PIGQ: variants seen among roughly 807,000 people sequenced by gnomAD.
PIGQ encodes the protein phosphatidylinositol N-acetylglucosaminyltransferase subunit Q.
PIGQ carries 54 observed loss-of-function variants against 60.3 expected under a neutral mutation model. The observed-to-expected ratio is 0.90, with a 90% CI of 0.72 to 1.12. The LOEUF (loss-of-function observed/expected upper bound fraction) is 1.12. Ranked by LOEUF, PIGQ falls within the 50% of genes most tolerant of loss-of-function variation. PIGQ has a pLI of 0.00. For synonymous variants in PIGQ, 416 were observed against 363.7 expected (o/e 1.14, Z -1.64); for missense variants, 799 against 793.5 (o/e 1.01, Z -0.08).
chr16:573,453 G>A (rs1356312058), intron 1 of PIGQ, among the ~76,000 whole-genome samples: 1 of 152,324 alleles, frequency 6.6e-6, no homozygotes, highest in African/African-American at 2.4e-5. Flanking sequence ...AACGAGGCAG[G>A]TCCTTCCTGC....
At chr16:578,129 C>T (rs891600129) in intron 4 of PIGQ, 4 of 447,262 alleles carry the variant, frequency 8.9e-6, no homozygotes, top group African/African-American at 2.0e-5. Flanking sequence ...GGCAGGGGGC[C>T]ACGCGGATGC....
chr16:576,439 C>G, intron 4 of PIGQ, 185 bp downstream of exon 4: 1 of 683,758 alleles, frequency 1.5e-6, no homozygotes, highest in African/African-American at 1.8e-5. Flanking sequence ...CTGGGCAGGG[C>G]AGGCCTCGCA....
rs755575339 is a variant in PIGQ, at chr16:578,335, A to AG, written c.943-43dup. 1.9e-6 allele frequency: 3 copies of AG among 1,582,312 alleles called. No individual in the cohort carries two copies. In the East Asian group the frequency reaches 6.8e-5, roughly 36 times the overall value. ...AGAGCCTGGGGAGATGCAGGTGCTG[A>AG]GCCTGGCTGCCCCCGCCCCAGCGTG... is the stretch of plus-strand genomic sequence containing the variant. On this transcript the variant is annotated intron_variant, in intron 4 of 10. Coordinates refer to ENST00000321878, the MANE Select transcript of PIGQ (RefSeq NM_004204.5).
intron 9 of PIGQ, 152 bp downstream of exon 9, chr16:581,124 C>T: frequency 1.4e-6 from 2 of 1,445,794 alleles, no homozygotes; most frequent in Non-Finnish European, 1.9e-6. Context: ...ACAGGGCCTC[C>T]TAGTCCCAGA....
At chr16:582,088 C>T (rs947022319) in intron 9 of PIGQ, 160 bp from the exon 10 acceptor site, 1 of 693,780 alleles carries the variant, frequency 1.4e-6, no homozygotes, top group Non-Finnish European at 2.6e-6. Context: ...TGGCAGCCAG[C>T]TCCAGGAGTT....
intron 9 of PIGQ, chr16:581,989 CCT>C: frequency 1.8e-6 from 1 of 543,534 alleles, no homozygotes; most frequent in Non-Finnish European, 3.4e-6. Flanking sequence ...GTCTTGAACT[CCT>C]GACCTCATGA....
rs980612123 is a variant in PIGQ at position 583,104 on chromosome 16, C to T, written c.*69C>T. 1.1e-5 allele frequency: 18 copies of T among 1,612,980 alleles called. No individual in the cohort carries two copies. The African/African-American group carries it at 1.5e-4, about 13-fold the overall frequency. ...GCCATCTGCTCTGCCAGGGTGGCAC[C>T]AGCTCAGCTGGCGCATGTCCTGTGC... On this transcript the variant is annotated 3_prime_UTR_variant, in exon 11 of 11. Transcript: ENST00000321878.
chr16:569,990 G>T lies in PIGQ; in HGVS notation c.-116G>T, dbSNP rs1201884934. The T allele has an allele frequency of 6.7e-6, 1 of 149,196 alleles. No individual in the cohort carries two copies. The highest frequency in any genetic ancestry group is 2.4e-5 in the African/African-American group (1 of 41,134). The allele number at this position is 149,196 out of a possible 1,614,324, so 9.2% of individuals were successfully genotyped here. The stretch of plus-strand genomic sequence containing the variant: ...GGCGGAAGTGGGGCTCGGGTCCCGC[G>T]GCGGGGCTGGAGGCAGCGAGCGCCG... On this transcript the variant is annotated 5_prime_UTR_variant, in exon 1 of 11. Transcript: ENST00000321878.
chr16:583,660 T>G lies in PIGQ; in HGVS notation c.*625T>G. ...AGAAACCATCAGCAGGCTGTGAGCA[T>G]CGCCAGGCTGCTGTGGGGGCGGGAG... On this transcript the variant is annotated 3_prime_UTR_variant, in exon 11 of 11. Coordinates refer to ENST00000321878, the MANE Select transcript of PIGQ (RefSeq NM_004204.5). 1.2e-6 allele frequency: 2 copies of G among 1,611,128 alleles called. No homozygotes were observed. The highest frequency in any genetic ancestry group is 1.7e-6 in the Non-Finnish European group (2 of 1,179,272).
chr16:582,414 G>GAGGTAC lies in PIGQ; in HGVS notation c.1593+109_1593+114dup, dbSNP rs1311214185. On this transcript the variant is annotated intron_variant, in intron 10 of 10. Transcript: ENST00000321878. ...GGGTGGCACCACGCCAGCCTGCGATGAGGTACAGGGAGGGCCCAGTGGAGC... is the reference window on the plus strand; with the variant it reads ...GGGTGGCACCACGCCAGCCTGCGATGAGGTACAGGTACAGGGAGGGCCCAGTGGAGC... 4 of 788,542 alleles carry GAGGTAC rather than the reference G, an allele frequency of 5.1e-6. No homozygotes were observed. In the African/African-American group the frequency reaches 6.9e-5, roughly 14 times the overall value. The allele number at this position is 788,542 out of a possible 1,614,324, so 48.8% of individuals were successfully genotyped here. A position where few individuals can be genotyped will look rare whatever the true frequency, so the allele number is the denominator to read the frequency against.
At position 583,126 on chromosome 16, in the gene PIGQ, G is replaced by GCTTTGTGGACGCTGCTGTGTGCTCC; in HGVS notation, c.*91_*92insCTTTGTGGACGCTGCTGTGTGCTCC. The GCTTTGTGGACGCTGCTGTGTGCTCC allele has an allele frequency of 6.2e-7, 1 of 1,613,240 alleles. No individual in the cohort carries two copies. The highest frequency in any genetic ancestry group is 8.5e-7 in the Non-Finnish European group (1 of 1,179,978). ...CACCAGCTCAGCTGGCGCATGTCCT[G>GCTTTGTGGACGCTGCTGTGTGCTCC]TGCTTTGTGGACGCTGCTGTGTGCT... On this transcript the variant is annotated 3_prime_UTR_variant, in exon 11 of 11. Coordinates refer to ENST00000321878, the MANE Select transcript of PIGQ (RefSeq NM_004204.5).
At chr16:580,378 G>A (rs909191179) in intron 8 of PIGQ, 115 bp downstream of exon 8, 13 of 780,726 alleles carry the variant, frequency 1.7e-5, no homozygotes, top group Non-Finnish European at 2.7e-5. Flanking sequence ...AGGCCACGTG[G>A]GTGGCCTTTC....
intron 4 of PIGQ, among the ~76,000 whole-genome samples, chr16:577,466 A>G (rs891105460): frequency 1.3e-5 from 2 of 152,032 alleles, no homozygotes; most frequent in Non-Finnish European, 2.9e-5. Flanking sequence ...AGTCCCAGCT[A>G]ATTGGGAGGC....
rs1596383903 is a variant in PIGQ, at chr16:576,179, C to T, written c.867C>T (p.Gly289=). 2 of 1,549,730 alleles carry T rather than the reference C, an allele frequency of 1.3e-6. No homozygotes were observed. Among genetic ancestry groups the T allele is most frequent in the East Asian group, 4.9e-5 (2 of 40,950 alleles). The change falls in exon 4 of 11, where the codon GGC becomes GGT. Residue 289 remains glycine, a synonymous_variant. Transcript: ENST00000321878. The stretch of plus-strand genomic sequence containing the variant: ...CTGTGCTGCTGGACGTGGCCCTGGG[C>T]CTCATGCTGCTGTCCTGGCTCCACG... ...VASVLLDVAL[G]LMLLSWLHGR... is the part of the protein sequence containing the mutation.
intron 1 of PIGQ, among the ~76,000 whole-genome samples, chr16:572,916 C>T (rs2035657967): frequency 6.6e-6 from 1 of 152,240 alleles, no homozygotes; most frequent in Admixed American, 6.5e-5. Flanking sequence ...GTGGCTCCAG[C>T]GTGGGGGGTC....
chr16:583,108 T>C lies in PIGQ; in HGVS notation c.*73T>C. 1 of 1,613,102 alleles carries C rather than the reference T, an allele frequency of 6.2e-7. No individual in the cohort carries two copies. The highest frequency in any genetic ancestry group is 1.7e-5 in the Admixed American group (1 of 60,006). On this transcript the variant is annotated 3_prime_UTR_variant, in exon 11 of 11. Transcript: ENST00000321878. ...TCTGCTCTGCCAGGGTGGCACCAGC[T>C]CAGCTGGCGCATGTCCTGTGCTTTG...
At chr16:582,854 C>T (rs777336869) in intron 10 of PIGQ, 29 bp from the exon 11 acceptor site, 3 of 1,570,176 alleles carry the variant, frequency 1.9e-6, no homozygotes, top group African/African-American at 2.7e-5. Flanking sequence ...CTCAGACCAC[C>T]CCACTGACCG....
chr16:574,604 G>T lies in PIGQ; in HGVS notation c.530G>T (p.Arg177Leu), dbSNP rs774945335. Residue 177 changes from arginine (R) to leucine (L), a missense_variant, in exon 2 of 11, where the codon CGC becomes CTC. Arg to Leu is a moderately radical substitution (Grantham distance 102). Coordinates refer to ENST00000321878, the MANE Select transcript of PIGQ (RefSeq NM_004204.5). ...GTAGCACGCAGTGAGGTGCTCTTCC[G>T]CAGTGACCGCTTTGATGAGGGCCCC... is the stretch of plus-strand genomic sequence containing the variant. ...DTVARSEVLFRSDRFDEGPVR... is the reference protein window; with the variant it reads ...DTVARSEVLFLSDRFDEGPVR... 6.2e-7 allele frequency: 1 copy of T among 1,605,254 alleles called. No individual in the cohort carries two copies. Among genetic ancestry groups the T allele is most frequent in the South Asian group, 1.1e-5 (1 of 89,660 alleles).
intron 9 of PIGQ, among the ~76,000 whole-genome samples, chr16:581,537 A>G (rs1376118698): frequency 6.6e-6 from 1 of 150,948 alleles, no homozygotes; most frequent in Admixed American, 6.6e-5. Flanking sequence ...ATCTCGGCTC[A>G]CTGTAATCTC....
Sources: allele counts gnomAD v4.1 joint callset (sites outside exome capture counted in the v4.1 genomes callset), GRCh38; gene constraint gnomAD v4.1.1; transcripts MANE v1.5; gene names NCBI Gene and HGNC (gene_info 2026-07-23, HGNC 2026-07-21).